CALN1: variants seen among roughly 807,000 people sequenced by gnomAD.
The protein encoded by CALN1 is calcium-binding protein 8.
In CALN1, 17 loss-of-function variants were observed where a neutral mutation model predicts 30.6. That is an observed-to-expected ratio of 0.56 (90% CI 0.38 to 0.83). CALN1 has a LOEUF of 0.83. Ranked by LOEUF, CALN1 falls within the 40% of genes least tolerant of loss-of-function variation. CALN1 has a pLI of 0.00. For synonymous variants in CALN1, 156 were observed against 131.4 expected (o/e 1.19, Z -1.28); for missense variants, 291 against 354.9 (o/e 0.82, Z 1.45).
chr7:71,802,022 G>A (rs750653912), intron 6 of CALN1, among the ~76,000 whole-genome samples: 8 of 151,104 alleles, frequency 5.3e-5, no homozygotes, highest in Non-Finnish European at 1.0e-4. Context: ...GGCAAAACCC[G>A]CAATTACTTG....
At chr7:71,998,981 T>C (rs1799393004) in intron 5 of CALN1, among the ~76,000 whole-genome samples, 1 of 152,186 alleles carries the variant, frequency 6.6e-6, no homozygotes, top group Admixed American at 6.5e-5. Context: ...ATTAATAAAA[T>C]GGTAGACTTA....
intron 2 of CALN1, among the ~76,000 whole-genome samples, chr7:72,376,229 T>C (rs1016625417): frequency 9.2e-5 from 14 of 152,230 alleles, no homozygotes; most frequent in African/African-American, 3.1e-4. Context: ...TGTGTGAACA[T>C]GTGTTTTCAA....
At chr7:72,178,442 C>T (rs879675034) in intron 3 of CALN1, among the ~76,000 whole-genome samples, 7 of 152,122 alleles carry the variant, frequency 4.6e-5, no homozygotes, top group Non-Finnish European at 7.4e-5. Flanking sequence ...TCTGTAATCC[C>T]AGCACTTTGG....
At chr7:72,076,795 G>A (rs1230319866) in intron 4 of CALN1, among the ~76,000 whole-genome samples, 28 of 152,000 alleles carry the variant, frequency 1.8e-4, no homozygotes, top group Admixed American at 1.6e-3. Context: ...TTGGGTGAAG[G>A]GAACTTTGAG....
At chr7:72,448,564 G>A (rs1187669397), upstream of CALN1, among the ~76,000 whole-genome samples, 7 of 151,970 alleles carry the variant, frequency 4.6e-5, no homozygotes, top group African/African-American at 1.2e-4. Flanking sequence ...CTATGGAGTC[G>A]GTTTTTCCGA....
At chr7:71,865,464 A>G (rs1381639192) in intron 5 of CALN1, among the ~76,000 whole-genome samples, 1 of 152,194 alleles carries the variant, frequency 6.6e-6, no homozygotes, top group South Asian at 2.1e-4. Flanking sequence ...CCATGAACCA[A>G]TGAAACCTCT....
intron 4 of CALN1, among the ~76,000 whole-genome samples, chr7:72,039,271 G>T (rs1488897312): frequency 1.3e-5 from 2 of 152,178 alleles, no homozygotes; most frequent in African/African-American, 2.4e-5. Flanking sequence ...AAGAGAAGAG[G>T]ACTCAGCAAA....
chr7:72,387,386 T>C (rs1228541981), intron 2 of CALN1, among the ~76,000 whole-genome samples: 1 of 151,964 alleles, frequency 6.6e-6, no homozygotes. Context: ...AACTCCTGTT[T>C]CTTAAGTGTA....
At chr7:72,500,207 C>T in the CALN1 span, among the ~76,000 whole-genome samples, 24 of 149,314 alleles carry the variant, frequency 1.6e-4, no homozygotes, top group African/African-American at 4.7e-4. Flanking sequence ...CCACCTCGCC[C>T]GGCCTCAGCT....
chr7:71,788,503 T>TC (rs1414948897), intron 6 of CALN1, among the ~76,000 whole-genome samples: 18 of 151,104 alleles, frequency 1.2e-4, no homozygotes, highest in African/African-American at 4.4e-4. Context: ...TTTTTTTTTT[T>TC]TTTTTAGAGA....
At chr7:72,070,582 A>G (rs1804322185) in intron 4 of CALN1, among the ~76,000 whole-genome samples, 1 of 152,164 alleles carries the variant, frequency 6.6e-6, no homozygotes, top group African/African-American at 2.4e-5. Context: ...GTTCTTCTTC[A>G]AGGGATATGA....
intron 3 of CALN1, among the ~76,000 whole-genome samples, chr7:72,217,665 T>C (rs1158323411): frequency 6.6e-6 from 1 of 151,706 alleles, no homozygotes; most frequent in African/African-American, 2.4e-5. Context: ...AAGACCCAAC[T>C]GACAAACTTG....
At chr7:72,474,879 G>T in the CALN1 span, among the ~76,000 whole-genome samples, 1 of 152,058 alleles carries the variant, frequency 6.6e-6, no homozygotes, top group Non-Finnish European at 1.5e-5. Flanking sequence ...CCTTGACTTT[G>T]CCCAGGCTTC....
intron 5 of CALN1, among the ~76,000 whole-genome samples, chr7:71,966,137 T>C (rs1406668373): frequency 6.6e-6 from 1 of 152,240 alleles, no homozygotes; most frequent in Non-Finnish European, 1.5e-5. Flanking sequence ...ATAGTTCTGG[T>C]GCTCCTTGTA....
At chr7:72,340,535 T>C (rs764930787) in intron 2 of CALN1, among the ~76,000 whole-genome samples, 1 of 152,248 alleles carries the variant, frequency 6.6e-6, no homozygotes, top group Admixed American at 6.5e-5. Context: ...CTGATTCCTC[T>C]TGGTTGGTGC....
At chr7:72,240,097 T>G (rs550200426) in intron 3 of CALN1, among the ~76,000 whole-genome samples, 19 of 152,156 alleles carry the variant, frequency 1.2e-4, no homozygotes, top group Non-Finnish European at 2.2e-4. Flanking sequence ...TTGAGACTAA[T>G]GTTTTGAAGA....
chr7:72,009,054 T>C (rs574278331), intron 5 of CALN1, among the ~76,000 whole-genome samples: 49 of 152,288 alleles, frequency 3.2e-4, no homozygotes, highest in African/African-American at 1.1e-3. Flanking sequence ...GTTTTCAAAA[T>C]AGACTGAAGA....
the CALN1 span, among the ~76,000 whole-genome samples, chr7:72,463,708 C>T: frequency 6.6e-6 from 1 of 151,842 alleles, no homozygotes. Context: ...CACAGGCAAG[C>T]ATCACTACCG....
chr7:71,951,975 C>T (rs1438006115), intron 5 of CALN1, among the ~76,000 whole-genome samples: 2 of 152,034 alleles, frequency 1.3e-5, no homozygotes, highest in African/African-American at 4.8e-5. Flanking sequence ...CAGACCCAAC[C>T]AATCCATCAC....
Sources: allele counts gnomAD v4.1 joint callset (sites outside exome capture counted in the v4.1 genomes callset), GRCh38; gene constraint gnomAD v4.1.1; transcripts MANE v1.5; gene names NCBI Gene and HGNC (gene_info 2026-07-23, HGNC 2026-07-21).